Variants in B4GALNT3 observed in about 807,000 individuals in gnomAD.
B4GALNT3 encodes beta-1,4-N-acetyl-galactosaminyltransferase 3, also known as beta-1,4-N-acetylgalactosaminyltransferase 3.
Under a neutral mutation model 120.2 loss-of-function variants are expected in B4GALNT3, and 86 were observed. The observed-to-expected ratio is 0.72, with a 90% CI of 0.60 to 0.86. The LOEUF (loss-of-function observed/expected upper bound fraction) is 0.86, where lower values mean the gene tolerates loss of function less well. Among genes scored for constraint, B4GALNT3 ranks in the 40% least tolerant of loss-of-function variants. The probability of loss-of-function intolerance (pLI) is 0.00; values close to 1 mark genes in which losing one functional copy is unlikely to be tolerated. For missense variants in B4GALNT3, 1,167 were observed against 1,298.9 expected (o/e 0.90, Z 1.56); for synonymous variants, 518 against 510.4 (o/e 1.01, Z -0.20).
Position 536,275 on chromosome 12 carries a change from C to A in B4GALNT3, c.331C>A (p.Pro111Thr). 6.2e-7 allele frequency: 1 copy of A among 1,613,954 alleles called. No homozygotes were observed. Residue 111 changes from proline (P) to threonine (T), a missense_variant, in exon 3 of 20, where the codon CCT becomes ACT. By Grantham distance (38) the Pro-to-Thr change is conservative. Coordinates refer to ENST00000266383, the MANE Select transcript of B4GALNT3 (RefSeq NM_173593.4). ...SNSSYLKWNKPVPWLSEFRGR... is the reference protein window; with the variant it reads ...SNSSYLKWNKTVPWLSEFRGR... ...CAGCAGCTACTTGAAGTGGAACAAG[C>A]CTGTCCCCTGGCTCTCAGAGGTGAG...
chr12:481,263 G>A (rs1212402497), intron 1 of B4GALNT3, among the ~76,000 whole-genome samples: 3 of 152,206 alleles, frequency 2.0e-5, no homozygotes, highest in Admixed American at 6.5e-5. Context: ...TCCCCGTGGC[G>A]TTCTGTGTAA....
chr12:557,504 C>A (rs1947171669), intron 15 of B4GALNT3, 104 bp from the exon 16 acceptor site: 9 of 1,221,340 alleles, frequency 7.4e-6, no homozygotes, highest in Non-Finnish European at 5.8e-6. Context: ...CAGCCGAGGT[C>A]CGATGGGCAC....
intron 1 of B4GALNT3, among the ~76,000 whole-genome samples, chr12:474,788 T>C (rs1946167923): frequency 6.6e-6 from 1 of 151,928 alleles, no homozygotes; most frequent in South Asian, 2.1e-4. Flanking sequence ...CGTGAAACCC[T>C]GTCTACAAAA....
chr12:477,082 G>C (rs1034721170), intron 1 of B4GALNT3, among the ~76,000 whole-genome samples: 2 of 152,194 alleles, frequency 1.3e-5, no homozygotes, highest in Non-Finnish European at 2.9e-5. Flanking sequence ...AGCCTGGAGA[G>C]CTTTAATCAA....
chr12:469,945 C>T (rs1215178141), intron 1 of B4GALNT3, among the ~76,000 whole-genome samples: 6 of 152,094 alleles, frequency 3.9e-5, no homozygotes, highest in African/African-American at 9.7e-5. Context: ...AGCCACCGCG[C>T]ATGGCCAGTT....
chr12:471,232 A>G (rs1946132475), intron 1 of B4GALNT3, among the ~76,000 whole-genome samples: 1 of 150,274 alleles, frequency 6.7e-6, no homozygotes, highest in South Asian at 2.1e-4. Context: ...TAAAAATACA[A>G]AAATTAGCTG....
At chr12:534,317 C>T (rs1946836326) in intron 1 of B4GALNT3, among the ~76,000 whole-genome samples, 1 of 152,228 alleles carries the variant, frequency 6.6e-6, no homozygotes, top group Non-Finnish European at 1.5e-5. Context: ...TTTGGTTCCA[C>T]TTATCCAAAG....
intron 1 of B4GALNT3, among the ~76,000 whole-genome samples, chr12:502,175 A>G (rs1052894433): frequency 1.3e-5 from 2 of 151,972 alleles, no homozygotes; most frequent in African/African-American, 4.8e-5. Context: ...GATCTGAGCT[A>G]GGCAGATTAA....
In B4GALNT3 at chr12:556,560, C is replaced by T. The variant is rs968872890; in HGVS notation, c.2074C>T (p.Gln692Ter). ...TTTCTGCCATAGGAGGTACCAGCTA[C>T]AGCGCATTGTGAACGTGGAAAAGCG... The part of the protein sequence containing the change: ...NQRSRGRYQL[Q>*]RIVNVEKRQD... The change falls in exon 15 of 20, where the codon CAG becomes TAG. Residue 692 changes from glutamine (Q) to a stop codon, truncating the protein, a stop_gained. Coordinates refer to ENST00000266383, the MANE Select transcript of B4GALNT3 (RefSeq NM_173593.4). LOFTEE classifies it high-confidence loss of function. 5 of 1,612,870 alleles carry T rather than the reference C, an allele frequency of 3.1e-6. No homozygotes were observed. Among genetic ancestry groups the T allele is most frequent in the Admixed American group, 1.7e-5 (1 of 59,998 alleles).
At chr12:531,229 T>C (rs563875004) in intron 1 of B4GALNT3, among the ~76,000 whole-genome samples, 9 of 150,842 alleles carry the variant, frequency 6.0e-5, no homozygotes, top group Admixed American at 1.3e-4. Context: ...ACTTGGTGAA[T>C]ATTTATGGGG....
intron 1 of B4GALNT3, among the ~76,000 whole-genome samples, chr12:530,811 G>C (rs1264146422): frequency 6.6e-6 from 1 of 152,210 alleles, no homozygotes; most frequent in Non-Finnish European, 1.5e-5. Flanking sequence ...TCAGGCCTTT[G>C]AAGAGTCTGC....
intron 1 of B4GALNT3, among the ~76,000 whole-genome samples, chr12:475,188 G>T (rs10849065): frequency 0.07 from 10,645 of 152,186 alleles, 566 homozygotes; most frequent in African/African-American, 0.14. Context: ...TTCCCCAGAA[G>T]TTTGCTCGTC....
chr12:544,491 C>A, intron 4 of B4GALNT3, 57 bp downstream of exon 4: 1 of 1,427,762 alleles, frequency 7.0e-7, no homozygotes, highest in Non-Finnish European at 9.9e-7. Flanking sequence ...CCTCTGCCCA[C>A]TTCTGTCTCT....
rs369948309 is a variant in B4GALNT3 at position 500,837 on chromosome 12, A to G, written c.170-34329A>G. On this transcript the variant is annotated intron_variant, in intron 1 of 19. Transcript: ENST00000266383. The stretch of plus-strand genomic sequence containing the variant: ...AGCATTTTGAACTCACCCCTGGATA[A>G]ATCTGAATTTGAATCCTGGCTCCAC... Among the ~76,000 whole-genome samples the G allele has an allele frequency of 1.6e-4, 22 of 137,302 alleles. 7 individuals are homozygous for G. Among genetic ancestry groups the G allele is most frequent in the Admixed American group, 2.3e-4 (3 of 13,008 alleles). 90.1% of individuals were successfully genotyped at this position (137,302 alleles called of 152,430 possible).
intron 1 of B4GALNT3, among the ~76,000 whole-genome samples, chr12:521,894 G>A (rs977798777): frequency 6.6e-6 from 1 of 152,086 alleles, no homozygotes; most frequent in African/African-American, 2.4e-5. Flanking sequence ...TGGAACTGCT[G>A]ATTTCCACAC....
chr12:471,646 G>T (rs753231391), intron 1 of B4GALNT3, among the ~76,000 whole-genome samples: 20 of 151,790 alleles, frequency 1.3e-4, no homozygotes, highest in Non-Finnish European at 2.8e-4. Flanking sequence ...GGCAGAGGTT[G>T]CAGTGAGCCA....
chr12:500,865 C>CCTTTTTTTTTTTTTTTTTTTT (rs2043817132), intron 1 of B4GALNT3, among the ~76,000 whole-genome samples: 5 of 61,830 alleles, frequency 8.1e-5, no homozygotes, highest in African/African-American at 3.0e-4. Context: ...GGCTCCACTG[C>CCTTTTTTTTTTTTTTTTTTTT]TTTTTTTTTT....
At chr12:536,124 G>A (rs111964678) in intron 2 of B4GALNT3, 94 bp from the exon 3 acceptor site, 21 of 989,640 alleles carry the variant, frequency 2.1e-5, no homozygotes, top group African/African-American at 1.3e-4. Context: ...GCTCCGAGCC[G>A]ACGCCTCCTG....
At chr12:503,838 G>A (rs2120546583) in intron 1 of B4GALNT3, among the ~76,000 whole-genome samples, 2 of 152,296 alleles carry the variant, frequency 1.3e-5, no homozygotes, top group South Asian at 4.1e-4. Context: ...AAAGTGGCCG[G>A]GCATGGTGGC....
Sources: gnomAD v4.1 joint callset for allele counts (sites outside exome capture counted in the v4.1 genomes callset) on GRCh38, gnomAD v4.1.1 for gene constraint, MANE v1.5 for transcripts, NCBI Gene and HGNC (gene_info 2026-07-23, HGNC 2026-07-21) for gene names.